HIVEP1: variants seen among roughly 807,000 people sequenced by gnomAD.
HIVEP1 encodes HIVEP zinc finger 1.
HIVEP1 carries 36 observed loss-of-function variants against 180.0 expected under a neutral mutation model. The ratio of observed to expected loss-of-function variants is 0.20; its 90% CI spans 0.15 to 0.26. The LOEUF is 0.26. HIVEP1 is among the 10% of genes least tolerant of loss of function. The pLI is 1.00. For synonymous variants in HIVEP1, 1,239 were observed against 1,239.0 expected (o/e 1.00, Z 0.00); for missense variants, 3,143 against 3,268.7 (o/e 0.96, Z 0.94).
In HIVEP1 at chr6:12,163,442, T is replaced by G; in HGVS notation, c.7138T>G (p.Leu2380Val). 1 of 1,614,074 alleles carries G rather than the reference T, an allele frequency of 6.2e-7. No homozygotes were observed. The highest frequency in any genetic ancestry group is 1.3e-5 in the African/African-American group (1 of 75,002). The change falls in exon 9 of 9, where the codon TTG (leucine) becomes GTG (valine). Residue 2380 changes from leucine to valine, a missense_variant. By Grantham distance (32) the Leu-to-Val change is conservative. This residue lies in a region of HIVEP1 where 595 missense variants were observed against 602.2 expected (regional missense o/e 0.99). Transcript: ENST00000379388. ...TPGLPSPHTH[L>V]FSHLPLHSQQ... ...AGGCTTGCCTTCTCCCCACACTCAT[T>G]TGTTTAGCCACCTTCCTTTGCATTC...
intron 3 of HIVEP1, among the ~76,000 whole-genome samples, chr6:12,117,493 A>T (rs1014961495): frequency 6.6e-6 from 1 of 152,188 alleles, no homozygotes; most frequent in Non-Finnish European, 1.5e-5. Flanking sequence ...CTTAACTTCA[A>T]TGTCATTTTC....
intron 3 of HIVEP1, among the ~76,000 whole-genome samples, chr6:12,098,211 A>G (rs148390364): frequency 0.011 from 1,601 of 152,326 alleles, 29 homozygotes; most frequent in African/African-American, 0.036. Flanking sequence ...TTTGTCTTAC[A>G]TTATATTAAA....
the HIVEP1 span, among the ~76,000 whole-genome samples, chr6:12,188,669 G>T: frequency 4.1e-4 from 62 of 152,038 alleles, no homozygotes; most frequent in African/African-American, 1.3e-3. Context: ...ATCTATATAA[G>T]GTTTTCAAAT....
intron 2 of HIVEP1, among the ~76,000 whole-genome samples, chr6:12,047,162 C>A (rs1187023535): frequency 6.6e-6 from 1 of 151,964 alleles, no homozygotes; most frequent in African/African-American, 2.4e-5. Flanking sequence ...CCCAGCTGAC[C>A]ACATTGTTAA....
chr6:12,059,358 C>CT (rs1377512377), intron 2 of HIVEP1, among the ~76,000 whole-genome samples: 4 of 152,154 alleles, frequency 2.6e-5, no homozygotes, highest in Non-Finnish European at 2.9e-5. Flanking sequence ...CTTTCTTATC[C>CT]TACATTTTTT....
intron 7 of HIVEP1, among the ~76,000 whole-genome samples, chr6:12,139,954 A>G (rs188451062): frequency 6.6e-6 from 1 of 152,332 alleles, no homozygotes; most frequent in East Asian, 1.9e-4. Context: ...AGGCTTAAAC[A>G]TTCCTGTCTG....
upstream of HIVEP1, chr6:12,009,021 A>AGT (rs1399037268): frequency 7.2e-5 from 11 of 152,868 alleles, no homozygotes; most frequent in East Asian, 7.8e-4. Flanking sequence ...GGGAAAGCCC[A>AGT]GCGCGCGCGG....
At chr6:12,205,396 G>A in the HIVEP1 span, among the ~76,000 whole-genome samples, 1,436 of 152,108 alleles carry the variant, frequency 9.4e-3, 7 homozygotes, top group South Asian at 0.039. Context: ...GCGTGAACCC[G>A]GGAGGCAGAG....
At chr6:12,095,960 G>C (rs1773760386) in intron 3 of HIVEP1, among the ~76,000 whole-genome samples, 1 of 152,016 alleles carries the variant, frequency 6.6e-6, no homozygotes, top group Admixed American at 6.6e-5. Context: ...CTACAGAAAT[G>C]TTACGATGAT....
chr6:12,119,824 C>T, intron 3 of HIVEP1, 66 bp from the exon 4 acceptor site: 2 of 1,043,762 alleles, frequency 1.9e-6, no homozygotes, highest in Non-Finnish European at 1.4e-6. Flanking sequence ...TCTTAATTTT[C>T]AAAAAATTAT....
At chr6:12,114,193 T>C (rs969677777) in intron 3 of HIVEP1, among the ~76,000 whole-genome samples, 3 of 152,150 alleles carry the variant, frequency 2.0e-5, no homozygotes, top group Non-Finnish European at 4.4e-5. Flanking sequence ...CCTCCTTCAC[T>C]CCTTACTGGT....
upstream of HIVEP1, among the ~76,000 whole-genome samples, chr6:12,011,098 C>T (rs932234759): frequency 1.3e-5 from 2 of 152,196 alleles, no homozygotes; most frequent in Admixed American, 6.5e-5. Context: ...AATAGAACAT[C>T]CGCCACCAAA....
chr6:12,209,335 A>T, the HIVEP1 span, among the ~76,000 whole-genome samples: 3 of 152,200 alleles, frequency 2.0e-5, no homozygotes, highest in Non-Finnish European at 2.9e-5. Flanking sequence ...TGGGAGGCTG[A>T]GGCAGGAGAA....
At chr6:12,211,750 A>G in the HIVEP1 span, among the ~76,000 whole-genome samples, 3 of 152,164 alleles carry the variant, frequency 2.0e-5, no homozygotes, top group African/African-American at 7.2e-5. Flanking sequence ...CATGGTGAAC[A>G]TCATTCTAGA....
At chr6:12,200,437 C>T in the HIVEP1 span, among the ~76,000 whole-genome samples, 2 of 152,256 alleles carry the variant, frequency 1.3e-5, no homozygotes, top group Non-Finnish European at 2.9e-5. Context: ...TTCAATAAAG[C>T]TGTTTTCTTC....
At position 12,163,425 on chromosome 6, in the gene HIVEP1, C is replaced by G; in HGVS notation, c.7121C>G (p.Pro2374Arg). ...ACTCTACAGCCGACTCCAGGCTTGC[C>G]TTCTCCCCACACTCATTTGTTTAGC... ...QITLQPTPGL[P>R]SPHTHLFSHL... Residue 2374 changes from proline (P) to arginine (R), a missense_variant, in exon 9 of 9, where the codon CCT (proline) becomes CGT (arginine). This residue lies in a region of HIVEP1 where 595 missense variants were observed against 602.2 expected (regional missense o/e 0.99). Transcript: ENST00000379388. 6.2e-7 allele frequency: 1 copy of G among 1,614,098 alleles called. No individual in the cohort carries two copies. The highest frequency in any genetic ancestry group is 1.1e-5 in the South Asian group (1 of 91,074).
chr6:12,011,285 GCCTCCCC>G (rs1767278851), upstream of HIVEP1, among the ~76,000 whole-genome samples: 122 of 89,518 alleles, frequency 1.4e-3, 1 homozygote, highest in African/African-American at 4.8e-3. Context: ...CCCCCCCCCC[GCCTCCCC>G]CTCCCCCATT....
chr6:12,114,723 A>G (rs534078806), intron 3 of HIVEP1, among the ~76,000 whole-genome samples: 4 of 152,340 alleles, frequency 2.6e-5, no homozygotes, highest in African/African-American at 4.8e-5. Context: ...TGGCTGTGCC[A>G]TAATTAGCCT....
chr6:12,144,256 T>G (rs55718117), intron 7 of HIVEP1, among the ~76,000 whole-genome samples: 9,609 of 151,948 alleles, frequency 0.063, 355 homozygotes, highest in Middle Eastern at 0.15. Flanking sequence ...CTTTGACAAA[T>G]CTAACAAAAA....
Sources: gnomAD v4.1 joint callset for allele counts (sites outside exome capture counted in the v4.1 genomes callset) on GRCh38, gnomAD v4.1.1 for gene constraint, gnomAD v4.1.1 regional missense constraint, MANE v1.5 for transcripts, NCBI Gene and HGNC (gene_info 2026-07-23, HGNC 2026-07-21) for gene names.